The following DTNB variants were observed in gnomAD, a reference collection of about 807,000 sequenced individuals.
The protein encoded by DTNB is DTN-B.
In DTNB, 63 loss-of-function variants were observed where a neutral mutation model predicts 90.7. The observed-to-expected ratio is 0.69, with a 90% CI of 0.57 to 0.86. The LOEUF is 0.86. DTNB is among the 40% of genes least tolerant of loss of function. DTNB has a pLI of 0.00. For synonymous variants in DTNB, 277 were observed against 286.7 expected (o/e 0.97, Z 0.34); for missense variants, 744 against 807.1 (o/e 0.92, Z 0.95).
At chr2:25,580,244 G>C (rs567095341) in intron 7 of DTNB, among the ~76,000 whole-genome samples, 54 of 152,164 alleles carry the variant, frequency 3.5e-4, no homozygotes, top group Non-Finnish European at 6.0e-4. Context: ...GCCTCCCAAA[G>C]TGCTGGAATT....
intron 12 of DTNB, among the ~76,000 whole-genome samples, chr2:25,441,139 T>A (rs2057290384): frequency 6.6e-6 from 1 of 152,214 alleles, no homozygotes; most frequent in African/African-American, 2.4e-5. Context: ...AACAACCCGA[T>A]TCTTTGAACG....
At chr2:25,452,097 C>G (rs2059373824) in intron 11 of DTNB, among the ~76,000 whole-genome samples, 1 of 152,254 alleles carries the variant, frequency 6.6e-6, no homozygotes, top group African/African-American at 2.4e-5. Flanking sequence ...GCCAAACACA[C>G]TGTAAAGCTG....
intron 9 of DTNB, among the ~76,000 whole-genome samples, chr2:25,522,808 C>T (rs1199775403): frequency 6.6e-6 from 1 of 150,656 alleles, no homozygotes; most frequent in African/African-American, 2.4e-5. Context: ...TCAAGCAATT[C>T]TCCTGCCTCA....
At chr2:25,502,839 T>C (rs901543427) in intron 9 of DTNB, among the ~76,000 whole-genome samples, 8 of 145,264 alleles carry the variant, frequency 5.5e-5, no homozygotes, top group African/African-American at 2.1e-4. Context: ...TGAGCTGAGA[T>C]TGCACCACTG....
At chr2:25,621,005 C>G (rs2072448158) in intron 4 of DTNB, among the ~76,000 whole-genome samples, 2 of 152,100 alleles carry the variant, frequency 1.3e-5, no homozygotes, top group African/African-American at 4.8e-5. Flanking sequence ...CCAGCCTGGG[C>G]AGCAGAGCAA....
chr2:25,522,806 T>G (rs904413804), intron 9 of DTNB, among the ~76,000 whole-genome samples: 2 of 151,432 alleles, frequency 1.3e-5, no homozygotes, highest in Admixed American at 6.6e-5. Context: ...GTTCAAGCAA[T>G]TCTCCTGCCT....
chr2:25,575,245 A>C (rs35167213), intron 8 of DTNB, among the ~76,000 whole-genome samples: 39,280 of 149,024 alleles, frequency 0.26, 5,340 homozygotes, highest in Non-Finnish European at 0.29. Flanking sequence ...CACACACACA[A>C]AAAAAAAAAA....
rs544568937 is a variant in DTNB at position 25,607,173 on chromosome 2, C to T, written c.448+63G>A. ...AATATAACATCATTCAAAATTCTGA[C>T]AATATTCATTTAAAAGTCCTAATTT... On this transcript the variant is annotated intron_variant, in intron 5 of 20. Coordinates refer to ENST00000406818, the MANE Select transcript of DTNB (RefSeq NM_021907.5). The T allele has an allele frequency of 6.7e-6, 10 of 1,498,420 alleles. 1 individual carries two copies. In the South Asian group the frequency reaches 1.1e-4, roughly 17 times the overall value. The allele number at this position is 1,498,420 out of a possible 1,614,324, so 92.8% of individuals were successfully genotyped here. A position where few individuals can be genotyped will look rare whatever the true frequency, so the allele number is the denominator to read the frequency against.
chr2:25,462,914 G>A (rs897884946), intron 10 of DTNB, among the ~76,000 whole-genome samples: 7 of 151,932 alleles, frequency 4.6e-5, no homozygotes, highest in Admixed American at 1.3e-4. Flanking sequence ...CATTTTAGCC[G>A]GGATGGTCTC....
intron 8 of DTNB, among the ~76,000 whole-genome samples, chr2:25,554,149 A>G (rs1381801329): frequency 1.3e-5 from 2 of 152,234 alleles, no homozygotes; most frequent in Non-Finnish European, 2.9e-5. Flanking sequence ...GTATAGGGAA[A>G]AACAAAGCTT....
intron 8 of DTNB, among the ~76,000 whole-genome samples, chr2:25,569,067 C>T (rs555466223): frequency 2.6e-5 from 4 of 152,312 alleles, no homozygotes; most frequent in South Asian, 2.1e-4. Context: ...AGTGTCTGTT[C>T]CAGCAGATCC....
chr2:25,570,146 C>T (rs1169741734), intron 8 of DTNB, among the ~76,000 whole-genome samples: 1 of 150,086 alleles, frequency 6.7e-6, no homozygotes, highest in African/African-American at 2.5e-5. Flanking sequence ...GGCTCCATGG[C>T]TTATGCCTGT....
intron 9 of DTNB, among the ~76,000 whole-genome samples, chr2:25,494,160 C>G (rs1425486766): frequency 6.6e-6 from 1 of 152,090 alleles, no homozygotes; most frequent in East Asian, 1.9e-4. Context: ...AGAAACATTA[C>G]GTGAATTCTC....
intron 14 of DTNB, among the ~76,000 whole-genome samples, chr2:25,428,472 G>A (rs185219696): frequency 2.9e-4 from 42 of 145,250 alleles, no homozygotes; most frequent in Non-Finnish European, 3.9e-4. Context: ...TCACTCTGTC[G>A]CCCAGGCTGG....
At chr2:25,559,329 T>TCCTA (rs2057888182) in intron 8 of DTNB, among the ~76,000 whole-genome samples, 1 of 152,182 alleles carries the variant, frequency 6.6e-6, no homozygotes, top group Non-Finnish European at 1.5e-5. Context: ...GGAGGAAACC[T>TCCTA]GGCATTCCCT....
intron 3 of DTNB, among the ~76,000 whole-genome samples, chr2:25,632,903 A>T (rs941776422): frequency 6.6e-6 from 1 of 152,242 alleles, no homozygotes; most frequent in Non-Finnish European, 1.5e-5. Context: ...GAATGAGATA[A>T]AAAATGCCCA....
intron 10 of DTNB, among the ~76,000 whole-genome samples, chr2:25,468,592 A>C (rs577460305): frequency 6.6e-6 from 1 of 152,326 alleles, no homozygotes; most frequent in East Asian, 1.9e-4. Flanking sequence ...CGAGTTTATA[A>C]AGCCAAGTTT....
At chr2:25,547,693 T>A (rs1340612110) in intron 8 of DTNB, among the ~76,000 whole-genome samples, 2 of 152,206 alleles carry the variant, frequency 1.3e-5, no homozygotes, top group African/African-American at 2.4e-5. Context: ...ATTGGTTGGA[T>A]ACATTCCAAT....
At chr2:25,649,922 GC>G (rs2080487352) in intron 2 of DTNB, 1 of 712,934 alleles carries the variant, frequency 1.4e-6, no homozygotes, top group South Asian at 6.3e-5. Flanking sequence ...GGTTGACGTT[GC>G]TGGAAATGAG....
Sources: allele counts gnomAD v4.1 joint callset (sites outside exome capture counted in the v4.1 genomes callset), GRCh38; gene constraint gnomAD v4.1.1; transcripts MANE v1.5; gene names NCBI Gene and HGNC (gene_info 2026-07-23, HGNC 2026-07-21).